The following ERO1A variants were observed in gnomAD, a reference collection of about 807,000 sequenced individuals.
The protein encoded by ERO1A is ERO1-like protein alpha.
Under a neutral mutation model 76.9 loss-of-function variants are expected in ERO1A, and 49 were observed. The observed-to-expected ratio is 0.64, with a 90% CI of 0.51 to 0.81. The LOEUF (loss-of-function observed/expected upper bound fraction) is 0.81, where lower values mean the gene tolerates loss of function less well. ERO1A is among the 30% of genes least tolerant of loss of function. The probability of loss-of-function intolerance (pLI) is 0.00; values close to 1 mark genes in which losing one functional copy is unlikely to be tolerated. For missense variants in ERO1A, 448 were observed against 542.1 expected (o/e 0.83, Z 1.72); for synonymous variants, 174 against 181.2 (o/e 0.96, Z 0.32).
chr14:52,660,940 CCTTCCTA>C (rs1456045585), intron 9 of ERO1A, among the ~76,000 whole-genome samples: 1 of 152,208 alleles, frequency 6.6e-6, no homozygotes, highest in Non-Finnish European at 1.5e-5. Context: ...ATGCCCAGAA[CCTTCCTA>C]CATGAAACCC....
In ERO1A at chr14:52,671,816, C is replaced by A; in HGVS notation, c.413G>T (p.Gly138Val). ...AAACCTCAGAGATTCATCCACTGCT[C>A]CAAGTCGTTCAGCTTGTTCACATTC... ...IEECEQAERL[G>V]AVDESLSEET... is the part of the protein sequence containing the mutation. The change falls in exon 5 of 16, where the codon GGA (glycine) becomes GTA (valine). Residue 138 changes from glycine to valine, a missense_variant. Physicochemically the swap from Gly to Val is moderately radical, Grantham distance 109 (BLOSUM62 -3). This residue lies in a region of ERO1A where 302 missense variants were observed against 411.9 expected (regional missense o/e 0.73). Coordinates refer to ENST00000395686, the MANE Select transcript of ERO1A (RefSeq NM_014584.3). 6.2e-7 allele frequency: 1 copy of A among 1,609,264 alleles called. No homozygotes were observed. Among genetic ancestry groups the A allele is most frequent in the South Asian group, 1.1e-5 (1 of 89,568 alleles).
At chr14:52,649,679 T>C (rs2039786068) in intron 13 of ERO1A, among the ~76,000 whole-genome samples, 1 of 151,270 alleles carries the variant, frequency 6.6e-6, no homozygotes, top group African/African-American at 2.4e-5. Context: ...TTGAAAATAG[T>C]AGGAAAAAAA....
At chr14:52,682,303 T>A in intron 3 of ERO1A, 22 bp downstream of exon 3, 1 of 1,505,330 alleles carries the variant, frequency 6.6e-7, no homozygotes, top group Non-Finnish European at 9.1e-7. Flanking sequence ...TAACAGTTTT[T>A]AAATGTATAC....
At position 52,658,143 on chromosome 14, in the gene ERO1A, A is replaced by G. The variant is rs757831532; in HGVS notation, c.696T>C (p.Thr232=). ...ASGQGTSEEN[T]FYSWLEGLCV... ...AATTACCTTCTAGCCAACTGTAAAA[A>G]GTGTTCTCTGAAATCAAAAGAAAAA... Residue 232 remains threonine, a synonymous_variant, in exon 10 of 16, where the codon ACT becomes ACC. Coordinates refer to ENST00000395686, the MANE Select transcript of ERO1A (RefSeq NM_014584.3). 6.0e-6 allele frequency: 9 copies of G among 1,501,000 alleles called. 1 individual carries two copies. The Middle Eastern group carries it at 5.4e-4, about 90-fold the overall frequency. The allele number at this position is 1,501,000 out of a possible 1,614,324, so 93.0% of individuals were successfully genotyped here.
intron 6 of ERO1A, among the ~76,000 whole-genome samples, chr14:52,666,867 G>A (rs950720752): frequency 9.2e-5 from 14 of 152,212 alleles, no homozygotes; most frequent in Non-Finnish European, 2.1e-4. Flanking sequence ...GGAGGCGGAG[G>A]TTGCAGTGAG....
chr14:52,651,989 C>CTTTT (rs78451217), intron 13 of ERO1A, among the ~76,000 whole-genome samples: 1 of 133,884 alleles, frequency 7.5e-6, no homozygotes. Context: ...CTACTCTCTA[C>CTTTT]TTTTTTTTTT....
chr14:52,690,441 A>C (rs569813407), intron 1 of ERO1A, among the ~76,000 whole-genome samples: 25 of 152,214 alleles, frequency 1.6e-4, no homozygotes, highest in Non-Finnish European at 3.4e-4. Flanking sequence ...CAAATAACCC[A>C]ATTAAAAAAT....
chr14:52,678,950 TA>T (rs1251787176), intron 3 of ERO1A, among the ~76,000 whole-genome samples: 1 of 152,212 alleles, frequency 6.6e-6, no homozygotes, highest in Non-Finnish European at 1.5e-5. Flanking sequence ...GGTAATGAAT[TA>T]ATCTACTGGT....
chr14:52,671,823 G>A lies in ERO1A; in HGVS notation c.406C>T (p.Arg136Ter), dbSNP rs779293878. The A allele has an allele frequency of 6.2e-6, 10 of 1,608,580 alleles. No individual in the cohort carries two copies. Among genetic ancestry groups the A allele is most frequent in the East Asian group, 2.2e-5 (1 of 44,642 alleles). ...AGAGATTCATCCACTGCTCCAAGTC[G>A]TTCAGCTTGTTCACATTCTTCAATG... ...NLIEECEQAE[R>*]LGAVDESLSE... Residue 136 changes from arginine to a stop codon, truncating the protein, a stop_gained, in exon 5 of 16, where the codon CGA (arginine) becomes TGA (stop). Transcript: ENST00000395686. LOFTEE classifies it high-confidence loss of function.
Position 52,645,885 on chromosome 14 carries a change from A to T in ERO1A, c.1346+269T>A, listed in dbSNP as rs567732303. 3.4e-4 allele frequency among the ~76,000 whole-genome samples: 46 copies of T among 135,618 alleles called. 1 individual carries two copies. The East Asian group carries it at 7.4e-3, about 22-fold the overall frequency. The allele number at this position is 135,618 out of a possible 152,430, so 89.0% of individuals were successfully genotyped here. A position where few individuals can be genotyped will look rare whatever the true frequency, so the allele number is the denominator to read the frequency against. On this transcript the variant is annotated intron_variant, in intron 15 of 15. Coordinates refer to ENST00000395686, the MANE Select transcript of ERO1A (RefSeq NM_014584.3). The stretch of plus-strand genomic sequence containing the variant: ...ACACACACACACACACACACACACA[A>T]ATTAGCCAGGCGTGGTGTCACGCAC...
At position 52,668,764 on chromosome 14, in the gene ERO1A, CTTATAA is replaced by C. The variant is rs995126611; in HGVS notation, c.509-2275_509-2270del. On this transcript the variant is annotated intron_variant, in intron 6 of 15. Transcript: ENST00000395686. Reference sequence around the variant, plus strand: ...ATTACTATATTATTATATTACAAATCTTATAATTATACTATAATTATAATTATAATT... The same window carrying C: ...ATTACTATATTATTATATTACAAATCTTATACTATAATTATAATTATAATT... Among the ~76,000 whole-genome samples, 24 of 147,842 alleles carry C rather than the reference CTTATAA, an allele frequency of 1.6e-4. No homozygotes were observed. The South Asian group carries it at 4.9e-3, about 30-fold the overall frequency.
rs1311668276 is a variant in ERO1A at position 52,695,508 on chromosome 14, C to T, written c.-27G>A. 13 of 1,452,788 alleles carry T rather than the reference C, an allele frequency of 8.9e-6. No homozygotes were observed. Among genetic ancestry groups the T allele is most frequent in the African/African-American group, 2.9e-5 (2 of 68,522 alleles). The allele number at this position is 1,452,788 out of a possible 1,614,324, so 90.0% of individuals were successfully genotyped here. A position where few individuals can be genotyped will look rare whatever the true frequency, so the allele number is the denominator to read the frequency against. On this transcript the variant is annotated 5_prime_UTR_variant, in exon 1 of 16. The change creates a new upstream start codon in the 5' untranslated region. Coordinates refer to ENST00000395686, the MANE Select transcript of ERO1A (RefSeq NM_014584.3). ...GCAGCTCCGGCAGCTTGTCGCCCCA[C>T]GCTTGGGAGGCCAGTCCGCACGCTC...
intron 11 of ERO1A, among the ~76,000 whole-genome samples, chr14:52,654,012 A>C (rs2039962863): frequency 6.6e-6 from 1 of 152,124 alleles, no homozygotes; most frequent in African/African-American, 2.4e-5. Context: ...TCAGAAGAAT[A>C]GAGCAATATT....
At chr14:52,665,232 G>A (rs1012481726) in intron 7 of ERO1A, among the ~76,000 whole-genome samples, 11 of 148,908 alleles carry the variant, frequency 7.4e-5, no homozygotes, top group Non-Finnish European at 1.5e-4. Flanking sequence ...AACCTGGGAG[G>A]CAGAGGTTGC....
In ERO1A at chr14:52,645,584, G is replaced by A. The variant is rs751324166; in HGVS notation, c.1346+570C>T. Among the ~76,000 whole-genome samples, 29 of 151,622 alleles carry A rather than the reference G, an allele frequency of 1.9e-4. No individual in the cohort carries two copies. In the East Asian group the frequency reaches 3.7e-3, roughly 19 times the overall value. ...ATTACAGGCATGAGCCACCGTGCCC[G>A]GCCCTAATTATGATTATAAAAGTCA... On this transcript the variant is annotated intron_variant, in intron 15 of 15. Coordinates refer to ENST00000395686, the MANE Select transcript of ERO1A (RefSeq NM_014584.3).
intron 9 of ERO1A, among the ~76,000 whole-genome samples, chr14:52,661,032 T>G (rs2040215191): frequency 6.6e-6 from 1 of 151,754 alleles, no homozygotes; most frequent in South Asian, 2.1e-4. Context: ...AGACGGGGAG[T>G]GGACATGCTT....
chr14:52,685,375 T>C (rs1466153582), intron 1 of ERO1A, among the ~76,000 whole-genome samples: 1 of 152,218 alleles, frequency 6.6e-6, no homozygotes, highest in Non-Finnish European at 1.5e-5. Flanking sequence ...CCTTGTTTCC[T>C]ACTAAAAATT....
chr14:52,671,542 A>C, intron 6 of ERO1A, 88 bp downstream of exon 6: 1 of 874,202 alleles, frequency 1.1e-6, no homozygotes, highest in Non-Finnish European at 1.7e-6. Flanking sequence ...CTACAGGCAC[A>C]CCACCATGCC....
chr14:52,691,642 T>C (rs574553508), intron 1 of ERO1A, among the ~76,000 whole-genome samples: 5 of 152,328 alleles, frequency 3.3e-5, no homozygotes, highest in African/African-American at 9.6e-5. Context: ...ATCTACTAAA[T>C]GCGCTCCAAG....
Sources: gnomAD v4.1 joint callset for allele counts (sites outside exome capture counted in the v4.1 genomes callset) on GRCh38, gnomAD v4.1.1 for gene constraint, gnomAD v4.1.1 regional missense constraint, MANE v1.5 for transcripts, NCBI Gene and HGNC (gene_info 2026-07-23, HGNC 2026-07-21) for gene names.